The following COL4A2 variants were observed in gnomAD, a reference collection of about 807,000 sequenced individuals.
The protein encoded by COL4A2 is collagen type IV alpha 2 chain.
Under a neutral mutation model 200.2 loss-of-function variants are expected in COL4A2, and 99 were observed. That is an observed-to-expected ratio of 0.49 (90% CI 0.42 to 0.58). The LOEUF is 0.58. Ranked by LOEUF, COL4A2 falls within the 20% of genes least tolerant of loss-of-function variation. The pLI is 0.00. For synonymous variants in COL4A2, 897 were observed against 900.6 expected, an observed-to-expected ratio of 1.00 and a Z score of 0.07; for missense variants, 1,950 against 2,314.1, an observed-to-expected ratio of 0.84 and a Z score of 3.23.
At chr13:110,491,957 G>A (rs967879611) in intron 37 of COL4A2, 113 bp from the exon 38 acceptor site, 27 of 822,518 alleles carry the variant, frequency 3.3e-5, no homozygotes, top group Middle Eastern at 2.8e-4. Context: ...CTGGCACTGC[G>A]GCCCTTCCGG....
At chr13:110,437,600 T>C (rs1880941733) in intron 13 of COL4A2, among the ~76,000 whole-genome samples, 1 of 152,232 alleles carries the variant, frequency 6.6e-6, no homozygotes, top group African/African-American at 2.4e-5. Flanking sequence ...ATATGTTCCA[T>C]GTGTATCTTT....
intron 33 of COL4A2, 101 bp from the exon 34 acceptor site, chr13:110,485,554 A>C: frequency 1.5e-6 from 1 of 647,218 alleles, no homozygotes; most frequent in Non-Finnish European, 2.6e-6. Context: ...AAAGATTCAC[A>C]GCACGTAGGA....
At chr13:110,466,976 C>G in intron 26 of COL4A2, 64 bp from the exon 27 acceptor site, 1 of 1,607,886 alleles carries the variant, frequency 6.2e-7, no homozygotes, top group South Asian at 1.1e-5. Flanking sequence ...TTGGGGATCC[C>G]CAAGGCCGTG....
At chr13:110,375,197 T>C (rs146442001) in intron 4 of COL4A2, among the ~76,000 whole-genome samples, 11 of 152,312 alleles carry the variant, frequency 7.2e-5, no homozygotes, top group Middle Eastern at 6.8e-3. Context: ...TTCCAGCCCT[T>C]ACACCTCTGT....
At chr13:110,316,823 G>T (rs991549991) in intron 3 of COL4A2, among the ~76,000 whole-genome samples, 2 of 152,074 alleles carry the variant, frequency 1.3e-5, no homozygotes, top group African/African-American at 4.8e-5. Flanking sequence ...CACTGGCTAG[G>T]TGAATAAGCC....
At chr13:110,371,879 T>C (rs1373414643) in intron 4 of COL4A2, among the ~76,000 whole-genome samples, 1 of 152,136 alleles carries the variant, frequency 6.6e-6, no homozygotes, top group East Asian at 1.9e-4. Flanking sequence ...CCTACTGATC[T>C]CTATATGCTG....
intron 4 of COL4A2, among the ~76,000 whole-genome samples, chr13:110,398,712 A>G (rs542344459): frequency 6.6e-6 from 1 of 152,210 alleles, no homozygotes; most frequent in African/African-American, 2.4e-5. Flanking sequence ...AAAGAAAAAG[A>G]AAGAAAGAAA....
intron 31 of COL4A2, 98 bp from the exon 32 acceptor site, chr13:110,482,417 CT>C: frequency 2.3e-6 from 3 of 1,320,388 alleles, no homozygotes; most frequent in Non-Finnish European, 3.2e-6. Context: ...AATCTTCTCA[CT>C]TGAGTTACAT....
chr13:110,447,605 G>A lies in COL4A2; in HGVS notation c.1078+741G>A, dbSNP rs149339166. On this transcript the variant is annotated intron_variant, in intron 18 of 47. Transcript: ENST00000360467. Reference sequence around the variant, plus strand: ...GAGAACCTCCTCCTGATAATCGTGCGTATATATCTTTGCGGATCATTGGCC... The same window carrying A: ...GAGAACCTCCTCCTGATAATCGTGCATATATATCTTTGCGGATCATTGGCC... Among the ~76,000 whole-genome samples, 21 of 152,196 alleles carry A rather than the reference G, an allele frequency of 1.4e-4. No individual in the cohort carries two copies. The East Asian group carries it at 3.5e-3, about 25-fold the overall frequency.
intron 4 of COL4A2, among the ~76,000 whole-genome samples, chr13:110,418,032 C>G (rs1880110901): frequency 6.6e-6 from 1 of 152,136 alleles, no homozygotes; most frequent in Non-Finnish European, 1.5e-5. Context: ...AGGTGCCATC[C>G]TTCCCAGCTC....
At chr13:110,469,511 T>G (rs1373790849) in intron 28 of COL4A2, among the ~76,000 whole-genome samples, 187 bp downstream of exon 28, 1 of 152,212 alleles carries the variant, frequency 6.6e-6, no homozygotes, top group African/African-American at 2.4e-5. Flanking sequence ...TGTACTGGGT[T>G]TTTGCAGAAG....
chr13:110,348,487 G>A (rs1253912224), intron 3 of COL4A2, among the ~76,000 whole-genome samples: 7 of 152,214 alleles, frequency 4.6e-5, no homozygotes, highest in Admixed American at 2.6e-4. Flanking sequence ...TTCTAAAGCT[G>A]CATGTGCGGA....
chr13:110,493,733 C>T (rs543372746), intron 39 of COL4A2, among the ~76,000 whole-genome samples: 5 of 152,264 alleles, frequency 3.3e-5, no homozygotes, highest in Non-Finnish European at 5.9e-5. Flanking sequence ...CGCTTGGGCA[C>T]CCACAGGCTG....
chr13:110,511,849 A>G, intron 47 of COL4A2, 85 bp from the exon 48 acceptor site: 1 of 1,593,066 alleles, frequency 6.3e-7, no homozygotes, highest in African/African-American at 1.3e-5. Context: ...AGTAAAAACA[A>G]ATGCACAGAA....
At chr13:110,483,785 C>T (rs1013927921) in intron 32 of COL4A2, among the ~76,000 whole-genome samples, 1 of 152,230 alleles carries the variant, frequency 6.6e-6, no homozygotes, top group African/African-American at 2.4e-5. Flanking sequence ...GGCATGGCTG[C>T]CAGCGGCTCC....
chr13:110,407,079 G>A (rs1489241318), intron 4 of COL4A2, among the ~76,000 whole-genome samples: 2 of 152,188 alleles, frequency 1.3e-5, no homozygotes, highest in Admixed American at 6.5e-5. Context: ...ATGGTGCTGG[G>A]AATCTCTGTG....
intron 45 of COL4A2, among the ~76,000 whole-genome samples, chr13:110,505,270 A>G (rs141649603): frequency 0.019 from 2,859 of 152,240 alleles, 84 homozygotes; most frequent in African/African-American, 0.064. Flanking sequence ...GAATGGCCTC[A>G]ACCCAGGAGG....
intron 40 of COL4A2, among the ~76,000 whole-genome samples, chr13:110,495,860 G>A (rs1886872): frequency 0.45 from 68,003 of 152,072 alleles, 16,493 homozygotes; most frequent in South Asian, 0.62. Context: ...GGTAGGAAAT[G>A]CCCAGAAACT....
At chr13:110,346,188 T>A (rs1167672889) in intron 3 of COL4A2, among the ~76,000 whole-genome samples, 1 of 152,220 alleles carries the variant, frequency 6.6e-6, no homozygotes, top group Non-Finnish European at 1.5e-5. Flanking sequence ...AAGAGAACTC[T>A]TTCTTGTTTG....
Sources: allele counts gnomAD v4.1 joint callset (sites outside exome capture counted in the v4.1 genomes callset), GRCh38; gene constraint gnomAD v4.1.1; transcripts MANE v1.5; gene names NCBI Gene and HGNC (gene_info 2026-07-23, HGNC 2026-07-21).